NPEPL1: variants seen among roughly 807,000 people sequenced by gnomAD.
The protein encoded by NPEPL1 is aminopeptidase like 1.
NPEPL1 carries 45 observed loss-of-function variants against 52.4 expected under a neutral mutation model. The ratio of observed to expected loss-of-function variants is 0.86; its 90% CI spans 0.68 to 1.10. The LOEUF is 1.10. Ranked by LOEUF, NPEPL1 falls within the 50% of genes least tolerant of loss-of-function variation. The pLI is 0.00. For synonymous variants in NPEPL1, 360 were observed against 314.7 expected (o/e 1.14, Z -1.52); for missense variants, 696 against 710.9 (o/e 0.98, Z 0.24).
At position 58,712,465 on chromosome 20, in the gene NPEPL1, A is replaced by G. The variant is rs1318565043; in HGVS notation, c.901-14A>G. On this transcript the variant is annotated splice_polypyrimidine_tract_variant and intron_variant, in intron 7 of 11. Coordinates refer to ENST00000356091, the MANE Select transcript of NPEPL1 (RefSeq NM_024663.4). ...TGACCTACAACTGGAGCCTCTGCCC[A>G]CTTCTCCCTCCAGGGTTTCAAAGAC... 2 of 1,595,436 alleles carry G rather than the reference A, an allele frequency of 1.3e-6. No homozygotes were observed. Among genetic ancestry groups the G allele is most frequent in the African/African-American group, 2.7e-5 (2 of 73,780 alleles).
Position 58,713,042 on chromosome 20 carries a change from CT to C in NPEPL1, c.1002-377del, listed in dbSNP as rs2084885544. On this transcript the variant is annotated intron_variant, in intron 8 of 11. Transcript: ENST00000356091. The surrounding 1 kb of genome is among the most constrained non-coding windows in gnomAD (Gnocchi z 4.6). ...TCTCCCCAGCCCCATGAGCTGGTGC[CT>C]GAGTGGGCGCCTCCCCGCATCTCCT... 2.9e-6 allele frequency: 1 copy of C among 349,486 alleles called. No homozygotes were observed. The highest frequency in any genetic ancestry group is 4.0e-5 in the Admixed American group (1 of 25,104). 21.6% of individuals were successfully genotyped at this position (349,486 alleles called of 1,614,324 possible).
intron 5 of NPEPL1, among the ~76,000 whole-genome samples, chr20:58,700,122 C>CGAGCAAGGTCTCT (rs1315604227): frequency 6.6e-6 from 1 of 152,196 alleles, no homozygotes; most frequent in Non-Finnish European, 1.5e-5. Flanking sequence ...AGCCACCCTC[C>CGAGCAAGGTCTCT]GAGCAAGGTC....
At chr20:58,698,200 G>A (rs745521604) in intron 3 of NPEPL1, among the ~76,000 whole-genome samples, 6 of 152,118 alleles carry the variant, frequency 3.9e-5, no homozygotes, top group Non-Finnish European at 7.4e-5. Context: ...GGAGGATCTG[G>A]AAAAGCTACT....
In NPEPL1 at chr20:58,694,454, C is replaced by G. The variant is rs376159484; in HGVS notation, c.369C>G (p.Ser123=). Residue 123 remains serine (S), a synonymous_variant, in exon 3 of 12, where the codon TCC becomes TCG. Transcript: ENST00000356091. Reference sequence around the variant, plus strand: ...GCGAGCAGCCGGAGGTCTTTGCTTCCGCCTGTGCCCTGGCCCGGGCCTTCC... The same window carrying G: ...GCGAGCAGCCGGAGGTCTTTGCTTCGGCCTGTGCCCTGGCCCGGGCCTTCC... ...MVCEQPEVFA[S]ACALARAFPL... 3 of 1,613,276 alleles carry G rather than the reference C, an allele frequency of 1.9e-6. No homozygotes were observed. The highest frequency in any genetic ancestry group is 2.5e-6 in the Non-Finnish European group (3 of 1,179,576).
chr20:58,705,537 G>A, intron 6 of NPEPL1: 1 of 456,288 alleles, frequency 2.2e-6, no homozygotes, highest in South Asian at 1.5e-5. Context: ...GGACCTCTTT[G>A]GGACTGTGGC....
At chr20:58,705,568 G>A (rs771774698) in intron 6 of NPEPL1, 3 of 456,044 alleles carry the variant, frequency 6.6e-6, no homozygotes, top group Admixed American at 2.3e-5. Context: ...AGCACAGGGG[G>A]TGTAAGTGTC....
intron 5 of NPEPL1, among the ~76,000 whole-genome samples, chr20:58,700,330 C>T (rs1476405841): frequency 6.6e-6 from 1 of 152,196 alleles, no homozygotes; most frequent in Non-Finnish European, 1.5e-5. Context: ...CCACAGGGGC[C>T]ATCCTGGTGG....
intron 6 of NPEPL1, chr20:58,703,804 G>A: frequency 2.0e-6 from 2 of 984,244 alleles, no homozygotes; most frequent in Non-Finnish European, 2.4e-6. Flanking sequence ...CAGGGAAGCT[G>A]TGGTCTGAGG....
At chr20:58,692,292 G>C (rs116184548), upstream of NPEPL1, 9,432 of 180,508 alleles carry the variant, frequency 0.052, 343 homozygotes, top group African/African-American at 0.1. The surrounding 1 kb of genome is among the most constrained non-coding windows in gnomAD (Gnocchi z 5.7). Context: ...AGGAGGAAGT[G>C]ACCGTCCACG....
At chr20:58,694,290 C>G (rs1040358169) in intron 2 of NPEPL1, 132 bp from the exon 3 acceptor site, 1 of 906,232 alleles carries the variant, frequency 1.1e-6, no homozygotes, top group Non-Finnish European at 1.6e-6. Context: ...GGGGTGGCGG[C>G]TGCTGTGGGA....
rs372227831 is a variant in NPEPL1, at chr20:58,694,564, A to G, written c.479A>G (p.Asn160Ser). Residue 160 changes from asparagine (N) to serine (S), a missense_variant, in exon 3 of 12, where the codon AAC becomes AGC. Physicochemically the swap from Asn to Ser is conservative, Grantham distance 46. Coordinates refer to ENST00000356091, the MANE Select transcript of NPEPL1 (RefSeq NM_024663.4). ...GAGTTTTTCCTGGTGGGACAAGACA[A>G]CGGGCCGGTGGAGGTGTCCACATTG... Reference protein sequence around the residue: ...TVEFFLVGQDNGPVEVSTLQC... With the variant: ...TVEFFLVGQDSGPVEVSTLQC... 2.2e-5 allele frequency: 36 copies of G among 1,613,700 alleles called. No individual in the cohort carries two copies. In the African/African-American group the frequency reaches 2.4e-4, roughly 11 times the overall value.
At position 58,694,491 on chromosome 20, in the gene NPEPL1, C is replaced by T; in HGVS notation, c.406C>T (p.His136Tyr). 6.2e-7 allele frequency: 1 copy of T among 1,614,026 alleles called. No homozygotes were observed. Among genetic ancestry groups the T allele is most frequent in the South Asian group, 1.1e-5 (1 of 91,092 alleles). ...ALARAFPLFT[H>Y]RSGASRRLEK... is the part of the protein sequence containing the mutation. ...GGCCCGGGCCTTCCCGCTGTTCACC[C>T]ACCGCTCAGGTGCCTCTCGGCGCTT... The change falls in exon 3 of 12, where the codon CAC becomes TAC. Residue 136 changes from histidine to tyrosine, a missense_variant. Transcript: ENST00000356091.
Position 58,713,791 on chromosome 20 carries a change from T to C in NPEPL1, c.1126-126T>C. On this transcript the variant is annotated intron_variant, in intron 9 of 11. Coordinates refer to ENST00000356091, the MANE Select transcript of NPEPL1 (RefSeq NM_024663.4). The surrounding 1 kb of genome is among the most constrained non-coding windows in gnomAD (Gnocchi z 4.6). ...TGGTCCTTTCTGCCTGTGTTTTTTC[T>C]TTTTTTCTCAACCGTCTCTTTTCTG... 1 of 1,210,044 alleles carries C rather than the reference T, an allele frequency of 8.3e-7. No homozygotes were observed. Among genetic ancestry groups the C allele is most frequent in the Non-Finnish European group, 1.1e-6 (1 of 913,664 alleles). 75.0% of individuals were successfully genotyped at this position (1,210,044 alleles called of 1,614,324 possible). A position where few individuals can be genotyped will look rare whatever the true frequency, so the allele number is the denominator to read the frequency against.
chr20:58,709,550 G>A (rs542615376), intron 7 of NPEPL1, among the ~76,000 whole-genome samples: 1 of 152,292 alleles, frequency 6.6e-6, no homozygotes, highest in South Asian at 2.1e-4. Flanking sequence ...GAGTGGGATG[G>A]GAAGAGGACA....
Position 58,693,042 on chromosome 20 carries a change from ACCGAGGAGGTGAGCGGGCCGCCGGCCG to A in NPEPL1, c.145_150+21del. On this transcript the variant is annotated splice_donor_variant and splice_donor_5th_base_variant and coding_sequence_variant and intron_variant, in exon 1 of 12. Transcript: ENST00000356091. LOFTEE classifies it high-confidence loss of function. ...CCGCGGGAAGCTGCAGCCCCGGGTCACCGAGGAGGTGAGCGGGCCGCCGGCCGCCATGCGACCCGCGCCGCGGAAGCC... is the reference window on the plus strand; with the variant it reads ...CCGCGGGAAGCTGCAGCCCCGGGTCACCATGCGACCCGCGCCGCGGAAGCC... 9.6e-7 allele frequency: 1 copy of A among 1,039,920 alleles called. No homozygotes were observed. Among genetic ancestry groups the A allele is most frequent in the Non-Finnish European group, 1.2e-6 (1 of 863,850 alleles). 64.4% of individuals were successfully genotyped at this position (1,039,920 alleles called of 1,614,324 possible).
chr20:58,705,652 T>TA, intron 6 of NPEPL1: 1 of 432,116 alleles, frequency 2.3e-6, no homozygotes, highest in South Asian at 1.6e-5. Flanking sequence ...AGAAACAACA[T>TA]ATGGGGGCTG....
At position 58,693,815 on chromosome 20, in the gene NPEPL1, G is replaced by GCTGCC; in HGVS notation, c.239_243dup (p.Arg82ProfsTer4). The GCTGCC allele has an allele frequency of 1.9e-6, 3 of 1,613,764 alleles. No homozygotes were observed. Among genetic ancestry groups the GCTGCC allele is most frequent in the Non-Finnish European group, 2.5e-6 (3 of 1,179,792 alleles). On this transcript the variant is annotated frameshift_variant, in exon 2 of 12. Coordinates refer to ENST00000356091, the MANE Select transcript of NPEPL1 (RefSeq NM_024663.4). LOFTEE classifies it high-confidence loss of function. ...CCTCTACCTGAACTACGCCACCGTG[G>GCTGCC]CTGCCCTGCCCTGCAGGGTGAGCCG...
rs759723170 is a variant in NPEPL1 at position 58,694,583 on chromosome 20, C to G, written c.498C>G (p.Ser166=). Residue 166 remains serine (S), a synonymous_variant, in exon 3 of 12, where the codon TCC becomes TCG. Coordinates refer to ENST00000356091, the MANE Select transcript of NPEPL1 (RefSeq NM_024663.4). ...AAGACAACGGGCCGGTGGAGGTGTC[C>G]ACATTGCAGGTGGGTGTCTGGAAGG... ...VGQDNGPVEV[S]TLQCLANATD... 1.2e-6 allele frequency: 2 copies of G among 1,612,150 alleles called. No homozygotes were observed. The highest frequency in any genetic ancestry group is 1.3e-5 in the African/African-American group (1 of 75,002).
upstream of NPEPL1, chr20:58,691,950 C>CTCACCCCT: frequency 1.4e-6 from 1 of 728,506 alleles, no homozygotes; most frequent in South Asian, 1.5e-5. Flanking sequence ...CCACTCAAGG[C>CTCACCCCT]TCACCCCTGG....
Sources: allele counts gnomAD v4.1 joint callset (sites outside exome capture counted in the v4.1 genomes callset), GRCh38; gene constraint gnomAD v4.1.1; non-coding constraint Gnocchi (gnomAD v3.1); transcripts MANE v1.5; gene names NCBI Gene and HGNC (gene_info 2026-07-23, HGNC 2026-07-21).